Variants in LARGE1 observed in about 807,000 individuals in gnomAD.
The protein encoded by LARGE1 is LARGE xylosyl- and glucuronyltransferase 1.
In LARGE1, 43 loss-of-function variants were observed where a neutral mutation model predicts 87.6. That is an observed-to-expected ratio of 0.49 (90% CI 0.38 to 0.63). The LOEUF (loss-of-function observed/expected upper bound fraction) is 0.63, where lower values mean the gene tolerates loss of function less well. Among genes scored for constraint, LARGE1 ranks in the 30% least tolerant of loss-of-function variants. The pLI is 0.00. For missense variants in LARGE1, 802 were observed against 1,000.2 expected (o/e 0.80, Z 2.67); for synonymous variants, 434 against 394.6 (o/e 1.10, Z -1.18).
Position 33,166,971 on chromosome 22 carries a change from T to C in LARGE1, c.1731-139A>G. On this transcript the variant is annotated intron_variant, in intron 11 of 11. Coordinates refer to the LARGE1 transcript ENST00000608642. ...CTAAATTTCAGAGCGAAACTCCCCC[T>C]TCTCCAGTATATTTTTCCCTAAGAT... The C allele has an allele frequency of 1.0e-5, 4 of 398,940 alleles. No individual in the cohort carries two copies. The Admixed American group carries it at 1.2e-4, about 12-fold the overall frequency. 24.7% of individuals were successfully genotyped at this position (398,940 alleles called of 1,614,324 possible).
chr22:33,118,273 A>G, the LARGE1 span, among the ~76,000 whole-genome samples: 1 of 152,108 alleles, frequency 6.6e-6, no homozygotes, highest in Non-Finnish European at 1.5e-5. Flanking sequence ...GCTTGAGCCC[A>G]GGAGTTCAAG....
At position 33,260,240 on chromosome 22, in the gene LARGE1, C is replaced by T. The variant is rs775292830; in HGVS notation, c.1730+43989G>A. ...GCGCTTCCCCTGTGGCCCTGTAAGG[C>T]GTGGCATGCCCCCTCCTCTCCTCTG... On this transcript the variant is annotated intron_variant, in intron 11 of 11. Coordinates refer to the LARGE1 transcript ENST00000608642. Among the ~76,000 whole-genome samples the T allele has an allele frequency of 2.6e-5, 4 of 152,312 alleles. No individual in the cohort carries two copies. In the East Asian group the frequency reaches 5.8e-4, roughly 22 times the overall value.
At chr22:33,140,522 C>T in the LARGE1 span, among the ~76,000 whole-genome samples, 2 of 152,172 alleles carry the variant, frequency 1.3e-5, no homozygotes, top group Non-Finnish European at 2.9e-5. Flanking sequence ...GGCAGACCTA[C>T]CCTCAATCTG....
At chr22:33,516,112 T>C (rs1030908174) in intron 6 of LARGE1, among the ~76,000 whole-genome samples, 1 of 152,084 alleles carries the variant, frequency 6.6e-6, no homozygotes, top group Non-Finnish European at 1.5e-5. Flanking sequence ...AGGGATGCTG[T>C]TTGAGAGAAG....
At chr22:33,522,779 C>T (rs1006540474) in intron 6 of LARGE1, among the ~76,000 whole-genome samples, 11 of 149,964 alleles carry the variant, frequency 7.3e-5, no homozygotes, top group African/African-American at 2.7e-4. Context: ...TGCAGTGGGC[C>T]GAGATTGCAC....
At chr22:33,775,616 C>T (rs2085209488) in intron 1 of LARGE1, among the ~76,000 whole-genome samples, 1 of 152,142 alleles carries the variant, frequency 6.6e-6, no homozygotes, top group Admixed American at 6.6e-5. Context: ...CTTTGGGAGG[C>T]TGAAGTGGGT....
chr22:33,432,606 T>C (rs1569158544), intron 6 of LARGE1, among the ~76,000 whole-genome samples: 1 of 152,144 alleles, frequency 6.6e-6, no homozygotes. Context: ...CATGCATGCA[T>C]GCATGCATTT....
intron 1 of LARGE1, among the ~76,000 whole-genome samples, chr22:33,791,978 CTTT>C (rs1019125033): frequency 1.3e-5 from 2 of 152,198 alleles, no homozygotes; most frequent in Non-Finnish European, 2.9e-5. Flanking sequence ...ACAGGGTAGG[CTTT>C]TTTATTATCT....
intron 2 of LARGE1, among the ~76,000 whole-genome samples, chr22:33,657,788 T>C (rs2081009695): frequency 6.6e-6 from 1 of 152,150 alleles, no homozygotes; most frequent in South Asian, 2.1e-4. Context: ...AACAACTCTA[T>C]CTACTTCAAG....
chr22:33,638,778 C>T (rs77956831), intron 3 of LARGE1, among the ~76,000 whole-genome samples: 3,248 of 152,252 alleles, frequency 0.021, 96 homozygotes, highest in African/African-American at 0.071. Context: ...AGCATGATGT[C>T]TGGTACATTT....
intron 2 of LARGE1, among the ~76,000 whole-genome samples, chr22:33,696,423 C>T (rs1408628468): frequency 6.6e-6 from 1 of 150,900 alleles, no homozygotes; most frequent in East Asian, 1.9e-4. Flanking sequence ...CCACCACCGC[C>T]CAGCTAATTT....
At chr22:33,255,590 G>A (rs1927221898) in intron 11 of LARGE1, among the ~76,000 whole-genome samples, 2 of 152,172 alleles carry the variant, frequency 1.3e-5, no homozygotes, top group South Asian at 4.1e-4. Flanking sequence ...TGAGTTTGTT[G>A]CTTGAGATTC....
chr22:33,845,238 C>T lies in LARGE1; in HGVS notation c.-83+74757G>A, dbSNP rs552564605. 3.5e-4 allele frequency among the ~76,000 whole-genome samples: 54 copies of T among 152,272 alleles called. 1 individual carries two copies. Among genetic ancestry groups the T allele is most frequent in the South Asian group, 2.5e-3 (12 of 4,826 alleles). ...ATGGAATGATATTAGGGAACTAGAT[C>T]ATCTTTGTAGCATCACATCAAGTTG... On this transcript the variant is annotated intron_variant, in intron 1 of 14. Coordinates refer to ENST00000397394, the MANE Select transcript of LARGE1 (RefSeq NM_133642.5).
intron 5 of LARGE1, among the ~76,000 whole-genome samples, chr22:33,594,540 C>T (rs1334658980): frequency 6.6e-6 from 1 of 152,156 alleles, no homozygotes; most frequent in African/African-American, 2.4e-5. Flanking sequence ...ATTTGTCAAA[C>T]ACCTCTGGTC....
chr22:33,621,302 C>T (rs1025194301), intron 4 of LARGE1, among the ~76,000 whole-genome samples: 1 of 152,096 alleles, frequency 6.6e-6, no homozygotes, highest in Non-Finnish European at 1.5e-5. Flanking sequence ...GGTGGTCATA[C>T]TGGGTCAAGG....
chr22:33,432,358 C>T (rs1030008668), intron 6 of LARGE1, 93 bp from the exon 7 acceptor site: 8 of 902,814 alleles, frequency 8.9e-6, no homozygotes, highest in East Asian at 2.5e-5. Flanking sequence ...GGCAAATCAT[C>T]ACAACAACAG....
chr22:33,545,419 A>AACACACACACACACACACACACAC (rs55754949), intron 6 of LARGE1, among the ~76,000 whole-genome samples: 4 of 143,926 alleles, frequency 2.8e-5, no homozygotes, highest in African/African-American at 1.1e-4. Flanking sequence ...ACACCCAGCT[A>AACACACACACACACACACACACAC]ACACACACAC....
intron 2 of LARGE1, among the ~76,000 whole-genome samples, chr22:33,676,491 A>T (rs1325463277): frequency 6.6e-6 from 1 of 151,564 alleles, no homozygotes; most frequent in Non-Finnish European, 1.5e-5. Context: ...TGAAAAGCCA[A>T]AATACATATC....
chr22:33,391,157 A>G (rs2065506725), intron 7 of LARGE1, among the ~76,000 whole-genome samples: 1 of 152,092 alleles, frequency 6.6e-6, no homozygotes, highest in South Asian at 2.1e-4. Flanking sequence ...TATAACCAAT[A>G]TCCTCACATC....
Sources: allele counts gnomAD v4.1 joint callset (sites outside exome capture counted in the v4.1 genomes callset), GRCh38; gene constraint gnomAD v4.1.1; transcripts MANE v1.5; gene names NCBI Gene and HGNC (gene_info 2026-07-23, HGNC 2026-07-21).